Variants in ZNF516 observed in about 807,000 individuals in gnomAD.
The protein encoded by ZNF516 is zinc finger protein 516.
In ZNF516, 19 loss-of-function variants were observed where a neutral mutation model predicts 79.7. The ratio of observed to expected loss-of-function variants is 0.24; its 90% CI spans 0.17 to 0.35. The LOEUF is 0.35. Ranked by LOEUF, ZNF516 falls within the 10% of genes least tolerant of loss-of-function variation. ZNF516 has a pLI of 1.00. For missense variants in ZNF516, 1,678 were observed against 1,679.5 expected (o/e 1.00, Z 0.02); for synonymous variants, 877 against 739.5 (o/e 1.19, Z -3.02).
intron 3 of ZNF516, among the ~76,000 whole-genome samples, chr18:76,415,359 C>A (rs1290204808): frequency 6.6e-6 from 1 of 152,234 alleles, no homozygotes; most frequent in Non-Finnish European, 1.5e-5. Context: ...TGGCCTGGCA[C>A]TGACGGTTGT....
At chr18:76,423,882 G>A (rs1279555849) in intron 3 of ZNF516, among the ~76,000 whole-genome samples, 12 of 140,170 alleles carry the variant, frequency 8.6e-5, no homozygotes, top group Admixed American at 6.6e-4. Context: ...AGGTGAAAAG[G>A]TTCCCCCGAA....
At chr18:76,447,289 C>A (rs1266895289) in intron 2 of ZNF516, among the ~76,000 whole-genome samples, 5 of 152,220 alleles carry the variant, frequency 3.3e-5, no homozygotes, top group African/African-American at 1.2e-4. Context: ...GCACGACGGG[C>A]TGTGCTTTAA....
chr18:76,480,883 C>A (rs1419810620), intron 1 of ZNF516, among the ~76,000 whole-genome samples: 1 of 152,168 alleles, frequency 6.6e-6, no homozygotes, highest in Non-Finnish European at 1.5e-5. Context: ...TATTTTGTGA[C>A]ATGTGAATGG....
chr18:76,434,063 C>T (rs1210033623), intron 3 of ZNF516, among the ~76,000 whole-genome samples: 1 of 152,236 alleles, frequency 6.6e-6, no homozygotes, highest in Non-Finnish European at 1.5e-5. Context: ...GTTCTTCCAG[C>T]TGGTCAGGAA....
intron 1 of ZNF516, among the ~76,000 whole-genome samples, chr18:76,468,023 T>C (rs960921454): frequency 1.3e-5 from 2 of 152,174 alleles, no homozygotes; most frequent in Non-Finnish European, 2.9e-5. Context: ...CGGGACTCCC[T>C]GCAGCAGCCA....
chr18:76,450,192 G>A (rs1233278619), intron 2 of ZNF516, among the ~76,000 whole-genome samples: 2 of 137,784 alleles, frequency 1.5e-5, no homozygotes, highest in Admixed American at 7.4e-5. Context: ...AAAGGGGGGG[G>A]GGTGTTTATT....
In ZNF516 at chr18:76,358,811, G is replaced by C. The variant is rs1477268168; in HGVS notation, c.*3687C>G. The C allele has an allele frequency of 6.6e-6, 1 of 152,266 alleles. No homozygotes were observed. Among genetic ancestry groups the C allele is most frequent in the Non-Finnish European group, 1.5e-5 (1 of 68,112 alleles). The allele number at this position is 152,266 out of a possible 1,614,324, so 9.4% of individuals were successfully genotyped here. ...AAGGAATGTTGGTAGACAGTCTCCA[G>C]CCACGAAAGCCCAGGAGGTGCCCTC... On this transcript the variant is annotated 3_prime_UTR_variant, in exon 7 of 7. Transcript: ENST00000443185.
intron 3 of ZNF516, among the ~76,000 whole-genome samples, chr18:76,407,815 G>A (rs574943373): frequency 4.5e-4 from 69 of 152,194 alleles, no homozygotes; most frequent in African/African-American, 1.5e-3. Context: ...TCAGAGCCCC[G>A]CCCAAGTTTC....
At chr18:76,480,529 A>ATATATATATTTTT (rs374464151) in intron 1 of ZNF516, among the ~76,000 whole-genome samples, 2 of 142,022 alleles carry the variant, frequency 1.4e-5, no homozygotes, top group Non-Finnish European at 3.1e-5. Flanking sequence ...ACACACATAT[A>ATATATATATTTTT]TTTTTTTTTT....
chr18:76,495,967 G>A (rs1228608198), upstream of ZNF516, among the ~76,000 whole-genome samples: 1 of 152,168 alleles, frequency 6.6e-6, no homozygotes, highest in Admixed American at 6.5e-5. Context: ...TGAAGGGGTT[G>A]TTTACCGGTA....
chr18:76,382,752 A>C (rs1372070621), intron 3 of ZNF516, among the ~76,000 whole-genome samples: 12 of 152,202 alleles, frequency 7.9e-5, no homozygotes, highest in Non-Finnish European at 1.5e-5. Flanking sequence ...CTCTACTAAA[A>C]ACACAAAAAT....
intron 3 of ZNF516, among the ~76,000 whole-genome samples, chr18:76,380,800 G>T (rs910920732): frequency 1.4e-5 from 2 of 143,584 alleles, no homozygotes; most frequent in African/African-American, 5.0e-5. Context: ...TCTGTCCAAA[G>T]GACCCCCCGT....
intron 1 of ZNF516, among the ~76,000 whole-genome samples, chr18:76,492,003 G>A (rs1179105914): frequency 6.6e-6 from 1 of 152,098 alleles, no homozygotes; most frequent in Non-Finnish European, 1.5e-5. Context: ...AGAAGAGGAG[G>A]ACGAAGGTCG....
chr18:76,373,535 T>C (rs1256252605), intron 4 of ZNF516, among the ~76,000 whole-genome samples: 2 of 152,260 alleles, frequency 1.3e-5, no homozygotes, highest in African/African-American at 4.8e-5. Context: ...TACTGACTAA[T>C]GATGACGACA....
chr18:76,476,074 G>A (rs1171357057), intron 1 of ZNF516, among the ~76,000 whole-genome samples: 3 of 152,152 alleles, frequency 2.0e-5, no homozygotes, highest in South Asian at 2.1e-4. Flanking sequence ...AGACTTTGTC[G>A]TGTATAAACT....
chr18:76,474,530 A>C (rs1914065678), intron 1 of ZNF516, among the ~76,000 whole-genome samples: 1 of 152,382 alleles, frequency 6.6e-6, no homozygotes, highest in South Asian at 2.1e-4. Flanking sequence ...AACTCTCTTC[A>C]AAGTACCAGT....
chr18:76,440,762 GCGCGCA>G (rs932977866), intron 3 of ZNF516, among the ~76,000 whole-genome samples: 4 of 120,204 alleles, frequency 3.3e-5, no homozygotes, highest in African/African-American at 1.9e-4. Flanking sequence ...GTGTGTGTGT[GCGCGCA>G]CGCGCGCATG....
At chr18:76,458,465 C>T (rs564460450) in intron 2 of ZNF516, among the ~76,000 whole-genome samples, 2 of 152,352 alleles carry the variant, frequency 1.3e-5, no homozygotes, top group East Asian at 3.9e-4. Flanking sequence ...AGCAAGCATC[C>T]TGCACAAGGC....
Position 76,379,464 on chromosome 18 carries a change from C to T in ZNF516, c.2650G>A (p.Gly884Arg), listed in dbSNP as rs900402013. The change falls in exon 4 of 7, where the codon GGG becomes AGG. Residue 884 changes from glycine (G) to arginine (R), a missense_variant. Physicochemically the swap from Gly to Arg is moderately radical, Grantham distance 125. Coordinates refer to ENST00000443185, the MANE Select transcript of ZNF516 (RefSeq NM_014643.4). ...PCALWAPGPD[G>R]YRQTKPCHGQ... ...TGACAAGGTTTGGTCTGTCGATACC[C>T]GTCAGGGCCGGGCGCCCACAGAGCG... 5 of 1,613,574 alleles carry T rather than the reference C, an allele frequency of 3.1e-6. No homozygotes were observed. Among genetic ancestry groups the T allele is most frequent in the African/African-American group, 1.3e-5 (1 of 75,074 alleles).
Sources: allele counts gnomAD v4.1 joint callset (sites outside exome capture counted in the v4.1 genomes callset), GRCh38; gene constraint gnomAD v4.1.1; transcripts MANE v1.5; gene names NCBI Gene and HGNC (gene_info 2026-07-23, HGNC 2026-07-21).